Variants in KALRN observed in about 807,000 individuals in gnomAD.
The protein encoded by KALRN is kalirin.
Under a neutral mutation model 353.7 loss-of-function variants are expected in KALRN, and 70 were observed. The ratio of observed to expected loss-of-function variants is 0.20; its 90% CI spans 0.16 to 0.24. KALRN has a LOEUF of 0.24. Ranked by LOEUF, KALRN falls within the 10% of genes least tolerant of loss-of-function variation. The probability of loss-of-function intolerance (pLI) is 1.00; values close to 1 mark genes in which losing one functional copy is unlikely to be tolerated. For synonymous variants in KALRN, 1,391 were observed against 1,434.8 expected, an observed-to-expected ratio of 0.97 and a Z score of 0.69; for missense variants, 2,791 against 3,756.7, an observed-to-expected ratio of 0.74 and a Z score of 6.72.
In KALRN at chr3:124,721,515, T is replaced by C. The variant is rs568408000; in HGVS notation, c.*2045T>C. On this transcript the variant is annotated 3_prime_UTR_variant, in exon 60 of 60. Transcript: ENST00000682506. ...ACATGGTTACTAAAATTTTTCAAAA[T>C]GTAAAACATATTTAGTAAAAAAATT... The C allele has an allele frequency of 4.6e-5, 7 of 152,312 alleles. No homozygotes were observed. In the South Asian group the frequency reaches 1.0e-3, roughly 23 times the overall value. 9.4% of individuals were successfully genotyped at this position (152,312 alleles called of 1,614,324 possible).
chr3:124,494,099 C>T (rs1381373787), intron 32 of KALRN, among the ~76,000 whole-genome samples: 2 of 152,164 alleles, frequency 1.3e-5, no homozygotes, highest in Non-Finnish European at 2.9e-5. Context: ...CCTGACATAG[C>T]CCCTTTTTCC....
intron 25 of KALRN, among the ~76,000 whole-genome samples, chr3:124,469,636 C>T (rs2107870192): frequency 6.6e-6 from 1 of 152,286 alleles, no homozygotes; most frequent in East Asian, 1.9e-4. Context: ...CCTATAAATA[C>T]ATGAACCTCA....
intron 1 of KALRN, among the ~76,000 whole-genome samples, chr3:124,150,316 A>C (rs892636110): frequency 6.6e-6 from 1 of 152,232 alleles, no homozygotes; most frequent in Non-Finnish European, 1.5e-5. Flanking sequence ...ATTATTTTTG[A>C]AAGTGGGACA....
intron 5 of KALRN, among the ~76,000 whole-genome samples, chr3:124,271,762 C>A (rs1219162128): frequency 1.3e-5 from 2 of 152,218 alleles, no homozygotes; most frequent in Admixed American, 1.3e-4. Context: ...AGAGAAAAAT[C>A]CCAAATCCTA....
Position 124,227,075 on chromosome 3 carries a change from T to G in KALRN, c.74-915T>G, listed in dbSNP as rs146427028. ...AATGGTCTAGCCTGGGGTTTGTGTA[T>G]GTGGAAGCTGGGTCCTGACTTCCCA... On this transcript the variant is annotated intron_variant, in intron 1 of 59. Transcript: ENST00000682506. 9.9e-5 allele frequency among the ~76,000 whole-genome samples: 15 copies of G among 152,262 alleles called. No individual in the cohort carries two copies. In the East Asian group the frequency reaches 2.9e-3, roughly 29 times the overall value.
chr3:124,269,237 C>T lies in KALRN; in HGVS notation c.951C>T (p.Phe317=), dbSNP rs202144425. The T allele has an allele frequency of 6.5e-5, 104 of 1,598,116 alleles. No homozygotes were observed. Among genetic ancestry groups the T allele is most frequent in the African/African-American group, 1.1e-4 (8 of 74,644 alleles). Residue 317 remains phenylalanine, a synonymous_variant, in exon 5 of 60, where the codon TTC becomes TTT. Coordinates refer to ENST00000682506, the MANE Select transcript of KALRN (RefSeq NM_001388419.1). ...ACCAGTGCTTTCAGCTGCGGCTCTT[C>T]GAGCAGGATGCTGAGAAGGTAGGAA... ...KLDQCFQLRL[F]EQDAEKMFDW...
chr3:124,432,371 G>A (rs919981927), intron 16 of KALRN, among the ~76,000 whole-genome samples: 10 of 152,238 alleles, frequency 6.6e-5, no homozygotes, highest in South Asian at 6.2e-4. Context: ...CTGAGATTGC[G>A]CCACTGCACT....
intron 1 of KALRN, chr3:124,100,441 T>C (rs1421129789): frequency 6.6e-6 from 1 of 152,182 alleles, no homozygotes; most frequent in Non-Finnish European, 1.5e-5. Flanking sequence ...TAAGTGGTGC[T>C]GGGAAAATGG....
intron 5 of KALRN, among the ~76,000 whole-genome samples, chr3:124,274,716 A>G (rs1357397054): frequency 4.0e-5 from 6 of 151,766 alleles, no homozygotes; most frequent in African/African-American, 1.5e-4. Context: ...TTTGGTGCCT[A>G]CCTCCCCCAT....
At chr3:124,144,614 CTCA>C (rs1306356581) in intron 1 of KALRN, among the ~76,000 whole-genome samples, 1 of 81,520 alleles carries the variant, frequency 1.2e-5, no homozygotes, top group African/African-American at 3.3e-5. Context: ...CCTCCTCTTC[CTCA>C]TCCTCCTCCT....
intron 34 of KALRN, among the ~76,000 whole-genome samples, chr3:124,616,197 A>G (rs551162301): frequency 2.0e-5 from 3 of 152,316 alleles, no homozygotes; most frequent in East Asian, 1.9e-4. Flanking sequence ...TCAGTTAAGT[A>G]GCACTTAATT....
At chr3:124,462,008 G>T (rs1402047380) in intron 24 of KALRN, 52 bp downstream of exon 24, 1 of 1,369,676 alleles carries the variant, frequency 7.3e-7, no homozygotes, top group South Asian at 1.2e-5. Context: ...TGACATCCTT[G>T]CCAGCATCAA....
Position 124,686,406 on chromosome 3 carries a change from G to A in KALRN, c.7377+6889G>A, listed in dbSNP as rs377010039. Among the ~76,000 whole-genome samples, 10 of 152,254 alleles carry A rather than the reference G, an allele frequency of 6.6e-5. 1 individual carries two copies. The highest frequency in any genetic ancestry group is 6.2e-4 in the South Asian group (3 of 4,812). On this transcript the variant is annotated intron_variant, in intron 51 of 59. Coordinates refer to ENST00000682506, the MANE Select transcript of KALRN (RefSeq NM_001388419.1). ...CTTTCCCAGGACTGTGTATTCTTAG[G>A]TAGCCTGTCTCCCAGGGAGCCTATG...
At chr3:124,676,137 C>A (rs1201706049) in intron 49 of KALRN, among the ~76,000 whole-genome samples, 1 of 152,232 alleles carries the variant, frequency 6.6e-6, no homozygotes, top group Non-Finnish European at 1.5e-5. Flanking sequence ...TATCCAGGCA[C>A]TAAACACTTC....
In KALRN at chr3:124,617,149, C is replaced by T. The variant is rs143342155; in HGVS notation, c.5183-15271C>T. 4.6e-3 allele frequency among the ~76,000 whole-genome samples: 705 copies of T among 151,896 alleles called. 5 individuals carry two copies. Among genetic ancestry groups the T allele is most frequent in the African/African-American group, 0.016 (659 of 41,414 alleles). On this transcript the variant is annotated intron_variant, in intron 34 of 59. Transcript: ENST00000682506. ...GAGTTTGAGGCCAATCTGGGCAGCACGGTGAAACCCTGTCTCTACAAAAAA... is the reference window on the plus strand; with the variant it reads ...GAGTTTGAGGCCAATCTGGGCAGCATGGTGAAACCCTGTCTCTACAAAAAA...
At chr3:124,618,506 A>G (rs1018136243) in intron 34 of KALRN, among the ~76,000 whole-genome samples, 1 of 152,216 alleles carries the variant, frequency 6.6e-6, no homozygotes. Flanking sequence ...CTTCAGTTAT[A>G]TACAGTCATT....
intron 27 of KALRN, among the ~76,000 whole-genome samples, chr3:124,478,155 AT>A (rs1561073543): frequency 6.6e-6 from 1 of 152,214 alleles, no homozygotes; most frequent in Non-Finnish European, 1.5e-5. Context: ...GAAAGATGAA[AT>A]TGGGGAAAAA....
rs117793873 is a variant in KALRN at position 124,452,601 on chromosome 3, C to T, written c.3553-2576C>T. Among the ~76,000 whole-genome samples the T allele has an allele frequency of 6.9e-4, 105 of 152,246 alleles. No individual in the cohort carries two copies. In the East Asian group the frequency reaches 0.019, roughly 27 times the overall value. On this transcript the variant is annotated intron_variant, in intron 21 of 59. Transcript: ENST00000682506. Reference sequence around the variant, plus strand: ...CACTCATCACAGCAGGAGAGGCATGCAACATTCAACATGGCTGCAGTGTAG... The same window carrying T: ...CACTCATCACAGCAGGAGAGGCATGTAACATTCAACATGGCTGCAGTGTAG...
chr3:124,286,065 T>TTTCTTTCTTTC (rs2075803045), intron 5 of KALRN, among the ~76,000 whole-genome samples: 3 of 101,414 alleles, frequency 3.0e-5, no homozygotes, highest in Non-Finnish European at 6.4e-5. Context: ...TGTGCTGTTT[T>TTTCTTTCTTTC]CTTTCTTTCT....
Sources: allele counts gnomAD v4.1 joint callset (sites outside exome capture counted in the v4.1 genomes callset), GRCh38; gene constraint gnomAD v4.1.1; transcripts MANE v1.5; gene names NCBI Gene and HGNC (gene_info 2026-07-23, HGNC 2026-07-21).